Variants in TNFSF15 observed in about 807,000 individuals in gnomAD.
TNFSF15 encodes the protein TNF superfamily member 15, also known as tumor necrosis factor ligand superfamily member 15.
Under a neutral mutation model 26.4 loss-of-function variants are expected in TNFSF15, and 15 were observed. The ratio of observed to expected loss-of-function variants is 0.57; its 90% CI spans 0.38 to 0.87. The LOEUF (loss-of-function observed/expected upper bound fraction) is 0.87. Among genes scored for constraint, TNFSF15 ranks in the 40% least tolerant of loss-of-function variants. The probability of loss-of-function intolerance (pLI) is 0.00; values close to 1 mark genes in which losing one functional copy is unlikely to be tolerated. For synonymous variants in TNFSF15, 116 were observed against 115.0 expected, an observed-to-expected ratio of 1.01 and a Z score of -0.06; for missense variants, 290 against 306.1, an observed-to-expected ratio of 0.95 and a Z score of 0.39.
At chr9:114,794,481 A>C (rs1354632901) in intron 1 of TNFSF15, among the ~76,000 whole-genome samples, 1 of 152,210 alleles carries the variant, frequency 6.6e-6, no homozygotes, top group East Asian at 1.9e-4. Context: ...AAAACTAAAA[A>C]TAGAACTACC....
At position 114,800,123 on chromosome 9, in the gene TNFSF15, T is replaced by G. The variant is rs547119990; in HGVS notation, c.210+5680A>C. 3.4e-5 allele frequency among the ~76,000 whole-genome samples: 5 copies of G among 145,436 alleles called. No homozygotes were observed. In the East Asian group the frequency reaches 6.0e-4, roughly 18 times the overall value. ...GTGAGATAAGAGGGCTCATCCCAGG[T>G]GGAGTGGGGAGGGGGAGGGGGAGGG... On this transcript the variant is annotated intron_variant, in intron 1 of 3. Transcript: ENST00000374045.
intron 1 of TNFSF15, among the ~76,000 whole-genome samples, chr9:114,803,519 C>T (rs942748476): frequency 3.9e-5 from 6 of 152,202 alleles, no homozygotes; most frequent in African/African-American, 1.4e-4. Flanking sequence ...CTTTTCCCAT[C>T]TCCTCTGAGC....
chr9:114,805,679 G>A, intron 1 of TNFSF15, 124 bp downstream of exon 1: 1 of 930,806 alleles, frequency 1.1e-6, no homozygotes, highest in Admixed American at 2.7e-5. Flanking sequence ...CATTTCCTCT[G>A]CATGTAGAAA....
rs1285977609 is a variant in TNFSF15, at chr9:114,785,733, G to A, written c.*4719C>T. On this transcript the variant is annotated 3_prime_UTR_variant, in exon 4 of 4. Transcript: ENST00000374045. ...TAGCTCTCTTCTCTGGGGAGCTACA[G>A]TAGAAGTCTCCTCCCACTTCCATGT... 1.3e-5 allele frequency: 2 copies of A among 152,196 alleles called. No homozygotes were observed. The highest frequency in any genetic ancestry group is 4.8e-5 in the African/African-American group (2 of 41,438). The allele number at this position is 152,196 out of a possible 1,614,324, so 9.4% of individuals were successfully genotyped here.
At chr9:114,792,350 A>C (rs1829615811) in intron 3 of TNFSF15, 57 bp downstream of exon 3, 1 of 1,586,076 alleles carries the variant, frequency 6.3e-7, no homozygotes, top group Non-Finnish European at 8.6e-7. Context: ...AAAGTGCTGA[A>C]AGAAATCTCA....
At position 114,804,111 on chromosome 9, in the gene TNFSF15, C is replaced by A. The variant is rs75924899; in HGVS notation, c.210+1692G>T. ...ACACTAAGAAGTTACAGAGCCTGGG[C>A]AAACCAGAGCTGCAATCATCCCCAC... On this transcript the variant is annotated intron_variant, in intron 1 of 3. Coordinates refer to ENST00000374045, the MANE Select transcript of TNFSF15 (RefSeq NM_005118.4). 7.5e-4 allele frequency among the ~76,000 whole-genome samples: 114 copies of A among 152,316 alleles called. 2 individuals are homozygous for A. The East Asian group carries it at 0.014, about 18-fold the overall frequency.
At chr9:114,792,253 ACACACACACACACT>A in intron 3 of TNFSF15, 140 bp downstream of exon 3, 1 of 783,200 alleles carries the variant, frequency 1.3e-6, no homozygotes, top group South Asian at 1.8e-5. Flanking sequence ...ACACACACAC[ACACACACACACACT>A]GGAATATTGA....
chr9:114,795,980 C>A (rs1829668177), intron 1 of TNFSF15, among the ~76,000 whole-genome samples: 1 of 152,192 alleles, frequency 6.6e-6, no homozygotes, highest in Non-Finnish European at 1.5e-5. Context: ...CTACTAGAAG[C>A]CCCTTGAGGG....
At position 114,795,909 on chromosome 9, in the gene TNFSF15, T is replaced by G. The variant is rs1440851537; in HGVS notation, c.211-2341A>C. On this transcript the variant is annotated intron_variant, in intron 1 of 3. Coordinates refer to ENST00000374045, the MANE Select transcript of TNFSF15 (RefSeq NM_005118.4). ...TCTGTGAGCAGGTGTGTGATGTCAG[T>G]GATTTTGTTAGAGCCGGGACCTCCA... is the stretch of plus-strand genomic sequence containing the variant. 4.6e-5 allele frequency among the ~76,000 whole-genome samples: 7 copies of G among 152,150 alleles called. No individual in the cohort carries two copies. The East Asian group carries it at 1.2e-3, about 25-fold the overall frequency.
intron 3 of TNFSF15, 95 bp downstream of exon 3, chr9:114,792,306 GTTTTCA>G (rs2131303202): frequency 7.1e-7 from 1 of 1,410,846 alleles, no homozygotes; most frequent in African/African-American, 1.4e-5. Flanking sequence ...AAGGAATGTA[GTTTTCA>G]TTTTAAGCCA....
intron 1 of TNFSF15, among the ~76,000 whole-genome samples, chr9:114,804,291 G>A (rs7048850): frequency 0.022 from 3,324 of 152,292 alleles, 136 homozygotes; most frequent in African/African-American, 0.076. Context: ...TTCCTTCACC[G>A]AGCTTCCCGT....
chr9:114,799,406 G>C (rs1483542514), intron 1 of TNFSF15, among the ~76,000 whole-genome samples: 1 of 151,992 alleles, frequency 6.6e-6, no homozygotes, highest in African/African-American at 2.4e-5. Context: ...TCCTCTTTTT[G>C]GTCTTAGGAC....
chr9:114,798,658 T>G (rs1414652094), intron 1 of TNFSF15, among the ~76,000 whole-genome samples: 3 of 151,844 alleles, frequency 2.0e-5, no homozygotes, highest in Non-Finnish European at 4.4e-5. Flanking sequence ...GGTCAAAGAG[T>G]GCATGGAGGG....
chr9:114,794,996 C>A (rs754921593), intron 1 of TNFSF15, among the ~76,000 whole-genome samples: 2 of 151,992 alleles, frequency 1.3e-5, no homozygotes, highest in Admixed American at 1.3e-4. Flanking sequence ...TATTTAGGAA[C>A]TATATATTAT....
At chr9:114,795,324 G>T (rs1829660561) in intron 1 of TNFSF15, among the ~76,000 whole-genome samples, 1 of 152,116 alleles carries the variant, frequency 6.6e-6, no homozygotes, top group Admixed American at 6.6e-5. Flanking sequence ...ATGAACACTT[G>T]ATCTATTTTA....
chr9:114,786,889 G>A lies in TNFSF15; in HGVS notation c.*3563C>T, dbSNP rs1352267586. The stretch of plus-strand genomic sequence containing the variant: ...ATCCTGCCACTGCACTTCAGCCTGG[G>A]TGACAAAGCAAGACTCTGTCTCAAA... On this transcript the variant is annotated 3_prime_UTR_variant, in exon 4 of 4. Transcript: ENST00000374045. The A allele has an allele frequency of 2.2e-5, 3 of 135,278 alleles. No individual in the cohort carries two copies. The highest frequency in any genetic ancestry group is 5.7e-5 in the African/African-American group (2 of 35,314). The allele number at this position is 135,278 out of a possible 1,614,324, so 8.4% of individuals were successfully genotyped here. A position where few individuals can be genotyped will look rare whatever the true frequency, so the allele number is the denominator to read the frequency against.
Position 114,805,904 on chromosome 9 carries a change from G to C in TNFSF15, c.109C>G (p.Leu37Val), listed in dbSNP as rs377131025. Residue 37 changes from leucine (L) to valine (V), a missense_variant, in exon 1 of 4, where the codon CTC becomes GTC. Leu to Val is a conservative substitution (Grantham distance 32, BLOSUM62 1). This residue lies in a region of TNFSF15 where 179 missense variants were observed against 165.9 expected (regional missense o/e 1.08). Coordinates refer to ENST00000374045, the MANE Select transcript of TNFSF15 (RefSeq NM_005118.4). ...KARSSSARWALTCCLVLLPFL... is the reference protein window; with the variant it reads ...KARSSSARWAVTCCLVLLPFL... ...GGGAGCAACACCAGGCAGCAGGTGA[G>C]AGCCCAGCGTGCGCTGCTGCTCCTG... The C allele has an allele frequency of 1.9e-6, 3 of 1,614,120 alleles. No homozygotes were observed. In the Admixed American group the frequency reaches 5.0e-5, roughly 27 times the overall value.
downstream of TNFSF15, chr9:114,784,639 AGT>A: frequency 6.6e-6 from 1 of 152,240 alleles, no homozygotes; most frequent in Non-Finnish European, 1.5e-5. Flanking sequence ...AAGAACTGAC[AGT>A]GTGAAAATTC....
chr9:114,784,947 T>G lies in TNFSF15; in HGVS notation c.*5505A>C, dbSNP rs1587894636. ...AAAAGGGGAACATTACATGCTTTAA[T>G]GACTTTAAGAATAAAATCATTTGAT... On this transcript the variant is annotated 3_prime_UTR_variant, in exon 4 of 4. Transcript: ENST00000374045. 6.6e-6 allele frequency: 1 copy of G among 152,258 alleles called. No homozygotes were observed. Among genetic ancestry groups the G allele is most frequent in the African/African-American group, 2.4e-5 (1 of 41,474 alleles). The allele number at this position is 152,258 out of a possible 1,614,324, so 9.4% of individuals were successfully genotyped here.
Sources: gnomAD v4.1 joint callset for allele counts (sites outside exome capture counted in the v4.1 genomes callset) on GRCh38, gnomAD v4.1.1 for gene constraint, gnomAD v4.1.1 regional missense constraint, MANE v1.5 for transcripts, NCBI Gene and HGNC (gene_info 2026-07-23, HGNC 2026-07-21) for gene names.